The following KCNH5 variants were observed in gnomAD, a reference collection of about 807,000 sequenced individuals.
KCNH5 encodes voltage-gated delayed rectifier potassium channel KCNH5.
In KCNH5, 46 loss-of-function variants were observed where a neutral mutation model predicts 96.1. The observed-to-expected ratio is 0.48, with a 90% CI of 0.38 to 0.61. The LOEUF (loss-of-function observed/expected upper bound fraction) is 0.61, where lower values mean the gene tolerates loss of function less well. Among genes scored for constraint, KCNH5 ranks in the 20% least tolerant of loss-of-function variants. The pLI, the probability that KCNH5 is intolerant of heterozygous loss-of-function variation, is 0.00. For missense variants in KCNH5, 907 were observed against 1,225.8 expected (o/e 0.74, Z 3.88); for synonymous variants, 439 against 449.8 (o/e 0.98, Z 0.30).
intron 6 of KCNH5, among the ~76,000 whole-genome samples, chr14:62,959,407 C>T (rs1364812086): frequency 1.3e-5 from 2 of 152,120 alleles, no homozygotes; most frequent in Admixed American, 6.6e-5. Context: ...TAAAACCTAA[C>T]ATGATTTCTC....
intron 7 of KCNH5, among the ~76,000 whole-genome samples, chr14:62,895,748 G>A (rs923076643): frequency 5.3e-5 from 8 of 152,150 alleles, no homozygotes; most frequent in Non-Finnish European, 7.4e-5. Flanking sequence ...AAAAGCCAAA[G>A]ACTGATGTCT....
intron 7 of KCNH5, among the ~76,000 whole-genome samples, chr14:62,946,405 A>G (rs150173558): frequency 2.7e-4 from 41 of 152,284 alleles, no homozygotes; most frequent in African/African-American, 9.9e-4. Flanking sequence ...CACTTATCAC[A>G]TGTCCCAGTA....
At chr14:62,739,795 G>A (rs1462167432) in intron 10 of KCNH5, among the ~76,000 whole-genome samples, 3 of 152,102 alleles carry the variant, frequency 2.0e-5, no homozygotes, top group Non-Finnish European at 2.9e-5. Flanking sequence ...ATATAAACCT[G>A]CAGGGTGCTT....
chr14:63,011,349 G>A (rs1017005640), intron 2 of KCNH5, among the ~76,000 whole-genome samples: 2 of 151,862 alleles, frequency 1.3e-5, no homozygotes, highest in Non-Finnish European at 2.9e-5. Context: ...ATGGTGGCGG[G>A]TGCATGTAAC....
chr14:62,986,607 C>T (rs763456588), intron 5 of KCNH5, among the ~76,000 whole-genome samples: 4 of 152,158 alleles, frequency 2.6e-5, no homozygotes, highest in Admixed American at 2.6e-4. Context: ...TAGGGCCCCA[C>T]ATTTGGGCAA....
intron 10 of KCNH5, among the ~76,000 whole-genome samples, chr14:62,764,670 T>A (rs1288700897): frequency 1.3e-5 from 2 of 152,186 alleles, no homozygotes; most frequent in Non-Finnish European, 2.9e-5. Flanking sequence ...TTCAGCAAAG[T>A]TTTGGGATAC....
intron 8 of KCNH5, among the ~76,000 whole-genome samples, chr14:62,804,628 A>C (rs548362869): frequency 1.3e-5 from 2 of 152,322 alleles, no homozygotes; most frequent in East Asian, 1.9e-4. Context: ...GGCAGCAAAA[A>C]AGGTCAGGCT....
intron 7 of KCNH5, among the ~76,000 whole-genome samples, chr14:62,914,841 C>A (rs1889243610): frequency 6.6e-6 from 1 of 152,212 alleles, no homozygotes. Flanking sequence ...TCATGAGATA[C>A]CCACATGCCG....
At chr14:63,016,719 AT>A in intron 2 of KCNH5, 111 bp downstream of exon 2, 1 of 1,027,604 alleles carries the variant, frequency 9.7e-7, no homozygotes, top group Non-Finnish European at 1.4e-6. Flanking sequence ...TTCTAACATA[AT>A]TTTTAACTCT....
chr14:62,955,693 A>G (rs111713818), intron 6 of KCNH5, among the ~76,000 whole-genome samples: 4 of 152,162 alleles, frequency 2.6e-5, no homozygotes, highest in African/African-American at 9.6e-5. Context: ...AATAAAGTAG[A>G]TTAAATACCT....
intron 7 of KCNH5, among the ~76,000 whole-genome samples, chr14:62,931,800 G>T (rs888213046): frequency 1.3e-5 from 2 of 152,212 alleles, no homozygotes; most frequent in East Asian, 1.9e-4. Context: ...ATTCCACAGA[G>T]CCAGTCAATT....
chr14:62,758,671 T>C (rs1885680878), intron 10 of KCNH5, among the ~76,000 whole-genome samples: 1 of 152,212 alleles, frequency 6.6e-6, no homozygotes, highest in African/African-American at 2.4e-5. Context: ...TATGGGGTAA[T>C]AGATGTCTCT....
intron 10 of KCNH5, among the ~76,000 whole-genome samples, chr14:62,748,337 A>G (rs1019544360): frequency 2.6e-5 from 4 of 152,220 alleles, no homozygotes; most frequent in Non-Finnish European, 5.9e-5. Context: ...TTATCTTCAA[A>G]GCAAAATTAG....
intron 8 of KCNH5, among the ~76,000 whole-genome samples, chr14:62,823,151 C>CT (rs1887149414): frequency 6.6e-6 from 1 of 152,036 alleles, no homozygotes; most frequent in South Asian, 2.1e-4. Flanking sequence ...GTGGAGTCCA[C>CT]CCTATCCTAC....
chr14:62,858,129 T>C (rs1887965762), intron 7 of KCNH5, among the ~76,000 whole-genome samples: 1 of 152,146 alleles, frequency 6.6e-6, no homozygotes, highest in Admixed American at 6.5e-5. Context: ...ACAAACACGT[T>C]TTTCACAAAA....
At chr14:62,875,153 C>T (rs1186296440) in intron 7 of KCNH5, among the ~76,000 whole-genome samples, 1 of 148,104 alleles carries the variant, frequency 6.8e-6, no homozygotes, top group Non-Finnish European at 1.5e-5. Context: ...AGGACCTCTT[C>T]AAGGAGAACT....
intron 1 of KCNH5, among the ~76,000 whole-genome samples, chr14:63,041,923 G>C (rs1023085304): frequency 6.6e-6 from 1 of 152,068 alleles, no homozygotes; most frequent in African/African-American, 2.4e-5. Context: ...GAGGAGTTTG[G>C]AACTTTATTA....
chr14:62,914,648 G>T (rs1889239196), intron 7 of KCNH5, among the ~76,000 whole-genome samples: 1 of 152,038 alleles, frequency 6.6e-6, no homozygotes, highest in South Asian at 2.1e-4. Flanking sequence ...GAGGTCCTTT[G>T]CCCCTTCCAC....
chr14:62,824,070 C>T (rs1887168823), intron 8 of KCNH5, among the ~76,000 whole-genome samples: 1 of 151,724 alleles, frequency 6.6e-6, no homozygotes, highest in Non-Finnish European at 1.5e-5. Context: ...AGGATTTAAC[C>T]AATCCCAGAG....
Sources: gnomAD v4.1 joint callset for allele counts (sites outside exome capture counted in the v4.1 genomes callset) on GRCh38, gnomAD v4.1.1 for gene constraint, MANE v1.5 for transcripts, NCBI Gene and HGNC (gene_info 2026-07-23, HGNC 2026-07-21) for gene names.